Variants in MED13L observed in about 807,000 individuals in gnomAD.
The protein encoded by MED13L is mediator of RNA polymerase II transcription subunit 13-like.
MED13L carries 7 observed loss-of-function variants against 220.9 expected under a neutral mutation model. The observed-to-expected ratio is 0.03, with a 90% confidence interval of 0.02 to 0.06. The LOEUF (loss-of-function observed/expected upper bound fraction) is 0.06, where lower values mean the gene tolerates loss of function less well. Ranked by LOEUF, MED13L falls within the 10% of genes least tolerant of loss-of-function variation. MED13L has a pLI of 1.00. For synonymous variants in MED13L, 1,011 were observed against 1,015.2 expected (o/e 1.00, Z 0.08); for missense variants, 1,965 against 2,760.5 (o/e 0.71, Z 6.46).
chr12:116,007,523 A>G lies in MED13L; in HGVS notation c.2126T>C (p.Leu709Ser), dbSNP rs771796097. 3 of 1,613,988 alleles carry G rather than the reference A, an allele frequency of 1.9e-6. No individual in the cohort carries two copies. The highest frequency in any genetic ancestry group is 1.1e-5 in the South Asian group (1 of 91,084). Residue 709 changes from leucine (L) to serine (S), a missense_variant, in exon 11 of 31, where the codon TTG becomes TCG. Transcript: ENST00000281928. Reference protein sequence around the residue: ...LPLSQQPGDSLGEVNDPYTFE... With the variant: ...LPLSQQPGDSSGEVNDPYTFE... The stretch of plus-strand genomic sequence containing the variant: ...GGTATATGGGTCATTCACTTCTCCC[A>G]AACTGTCTCCAGGTTGTTGTGATAG...
At chr12:116,251,526 G>A (rs1469755159) in intron 1 of MED13L, among the ~76,000 whole-genome samples, 4 of 148,286 alleles carry the variant, frequency 2.7e-5, no homozygotes, top group Admixed American at 6.7e-5. Flanking sequence ...TTGGGAGGCC[G>A]AGATGGGCAT....
intron 2 of MED13L, among the ~76,000 whole-genome samples, chr12:116,183,521 C>A (rs936862662): frequency 6.6e-6 from 1 of 152,116 alleles, no homozygotes; most frequent in Non-Finnish European, 1.5e-5. Flanking sequence ...TTCTGAATAT[C>A]TCCTTATAAA....
intron 2 of MED13L, among the ~76,000 whole-genome samples, chr12:116,229,350 G>T (rs1225252305): frequency 1.3e-5 from 2 of 152,018 alleles, no homozygotes; most frequent in African/African-American, 4.8e-5. Context: ...TTTTACTCAG[G>T]TTTACTTTAT....
intron 2 of MED13L, among the ~76,000 whole-genome samples, chr12:116,208,905 G>A (rs901191860): frequency 5.3e-5 from 8 of 152,024 alleles, no homozygotes. Flanking sequence ...AGAGTTTGAG[G>A]TGTCACAGTA....
intron 5 of MED13L, 144 bp from the exon 6 acceptor site, chr12:116,020,116 T>A (rs1879970028): frequency 2.5e-6 from 2 of 808,956 alleles, no homozygotes; most frequent in Non-Finnish European, 3.8e-6. Flanking sequence ...AAAGTATGAT[T>A]TAAAAGAAAT....
chr12:116,071,936 C>T (rs191176923), intron 4 of MED13L, among the ~76,000 whole-genome samples: 27 of 152,306 alleles, frequency 1.8e-4, no homozygotes, highest in African/African-American at 6.0e-4. Flanking sequence ...GTACTATGGG[C>T]TTATAAATTA....
At chr12:116,055,814 G>C (rs1868909827) in intron 4 of MED13L, among the ~76,000 whole-genome samples, 1 of 152,000 alleles carries the variant, frequency 6.6e-6, no homozygotes, top group South Asian at 2.1e-4. Flanking sequence ...AGAATCGCTT[G>C]AACCCAGGAG....
Position 116,008,617 on chromosome 12 carries a change from G to A in MED13L, c.1796C>T (p.Thr599Ile). 6.2e-7 allele frequency: 1 copy of A among 1,614,102 alleles called. No homozygotes were observed. Among genetic ancestry groups the A allele is most frequent in the Non-Finnish European group, 8.5e-7 (1 of 1,180,024 alleles). Reference protein sequence around the residue: ...LQQLSTLDDRTVLVGQRLPLM... With the variant: ...LQQLSTLDDRIVLVGQRLPLM... Reference sequence around the variant, plus strand: ...AGGCAGTCTTTGGCCTACGAGGACAGTTCTGTCATCCAGAGTAGACAACTG... The same window carrying A: ...AGGCAGTCTTTGGCCTACGAGGACAATTCTGTCATCCAGAGTAGACAACTG... Residue 599 changes from threonine (T) to isoleucine (I), a missense_variant, in exon 10 of 31, where the codon ACT becomes ATT. Thr to Ile is a moderately conservative substitution (Grantham distance 89). Transcript: ENST00000281928.
At chr12:116,234,490 A>G (rs1335499984) in intron 2 of MED13L, among the ~76,000 whole-genome samples, 1 of 152,078 alleles carries the variant, frequency 6.6e-6, no homozygotes, top group Non-Finnish European at 1.5e-5. Context: ...TAGGCCTCCC[A>G]AAGTGCAGGG....
intron 2 of MED13L, among the ~76,000 whole-genome samples, chr12:116,187,127 A>G (rs978378388): frequency 6.6e-6 from 1 of 152,160 alleles, no homozygotes; most frequent in African/African-American, 2.4e-5. Flanking sequence ...CACCGATTCC[A>G]GGCTATTACC....
At chr12:116,082,574 T>C (rs894995443) in intron 4 of MED13L, 2 of 152,142 alleles carry the variant, frequency 1.3e-5, no homozygotes, top group African/African-American at 4.8e-5. Flanking sequence ...TTCCTCTTGT[T>C]CGCTTCAGAA....
At chr12:116,125,026 A>C (rs186003291) in intron 2 of MED13L, among the ~76,000 whole-genome samples, 1 of 152,348 alleles carries the variant, frequency 6.6e-6, no homozygotes, top group Admixed American at 6.5e-5. Context: ...AGCTTTCTAC[A>C]ACACTATTGA....
intron 17 of MED13L, among the ~76,000 whole-genome samples, chr12:115,990,662 A>G (rs931583582): frequency 6.6e-6 from 1 of 152,208 alleles, no homozygotes; most frequent in Non-Finnish European, 1.5e-5. Flanking sequence ...TTCCTTGGAA[A>G]CTTGATCTGG....
chr12:116,128,744 T>C (rs1451304609), intron 2 of MED13L, among the ~76,000 whole-genome samples: 4 of 152,124 alleles, frequency 2.6e-5, no homozygotes, highest in African/African-American at 9.7e-5. Flanking sequence ...AATAACAAAA[T>C]AAAGTTACAC....
At chr12:116,157,950 T>C (rs994165930) in intron 2 of MED13L, among the ~76,000 whole-genome samples, 1 of 152,096 alleles carries the variant, frequency 6.6e-6, no homozygotes, top group Non-Finnish European at 1.5e-5. Flanking sequence ...AAGATGGAGG[T>C]GAGACCTGGC....
At chr12:116,063,228 C>T (rs1407427190) in intron 4 of MED13L, among the ~76,000 whole-genome samples, 2 of 152,196 alleles carry the variant, frequency 1.3e-5, no homozygotes, top group Admixed American at 1.3e-4. Context: ...GTAGATAATA[C>T]ATATATAACT....
In MED13L at chr12:116,019,971, T is replaced by C; in HGVS notation, c.627A>G (p.Val209=). 6.2e-7 allele frequency: 1 copy of C among 1,612,848 alleles called. No individual in the cohort carries two copies. The highest frequency in any genetic ancestry group is 8.5e-7 in the Non-Finnish European group (1 of 1,178,988). The change falls in exon 6 of 31, where the codon GTA becomes GTG. Residue 209 remains valine (V), a splice_region_variant and synonymous_variant. Coordinates refer to ENST00000281928, the MANE Select transcript of MED13L (RefSeq NM_015335.5). The part of the protein sequence containing the change: ...MAQSSPAPFQ[V]LVSPYGLNGT... ...CATTTAAGCCATAAGGACTTACCAG[T>C]ACTATGGAGGGGAGGAGAAATACAT... is the stretch of plus-strand genomic sequence containing the variant.
At chr12:116,122,673 C>G (rs1193445583) in intron 2 of MED13L, among the ~76,000 whole-genome samples, 1 of 152,140 alleles carries the variant, frequency 6.6e-6, no homozygotes, top group Non-Finnish European at 1.5e-5. Flanking sequence ...ATTTGGCAGA[C>G]AGAAGCACAA....
At chr12:116,173,475 TG>T (rs1306681894) in intron 2 of MED13L, among the ~76,000 whole-genome samples, 4 of 152,184 alleles carry the variant, frequency 2.6e-5, no homozygotes, top group African/African-American at 2.4e-5. Flanking sequence ...TATTTTAAGA[TG>T]ACAGTATATA....
Sources: gnomAD v4.1 joint callset for allele counts (sites outside exome capture counted in the v4.1 genomes callset) on GRCh38, gnomAD v4.1.1 for gene constraint, MANE v1.5 for transcripts, NCBI Gene and HGNC (gene_info 2026-07-23, HGNC 2026-07-21) for gene names.